The following AUTS2 variants were observed in gnomAD, a reference collection of about 807,000 sequenced individuals.
AUTS2 encodes autism susceptibility gene 2 protein.
A neutral mutation model predicts 112.4 loss-of-function variants in AUTS2; 17 were observed. The ratio of observed to expected loss-of-function variants is 0.15; its 90% confidence interval spans 0.10 to 0.23. The LOEUF (loss-of-function observed/expected upper bound fraction) is 0.23. AUTS2 is among the 10% of genes least tolerant of loss of function. The probability of loss-of-function intolerance (pLI) is 1.00; values close to 1 mark genes in which losing one functional copy is unlikely to be tolerated. For synonymous variants in AUTS2, 751 were observed against 702.7 expected, an observed-to-expected ratio of 1.07 and a Z score of -1.09; for missense variants, 1,510 against 1,701.6, an observed-to-expected ratio of 0.89 and a Z score of 1.98.
At chr7:70,564,730 A>G (rs1801630890) in intron 5 of AUTS2, among the ~76,000 whole-genome samples, 1 of 152,234 alleles carries the variant, frequency 6.6e-6, no homozygotes, top group Non-Finnish European at 1.5e-5. Context: ...ATTGTGATCC[A>G]TCAAAGCCTC....
At chr7:70,166,133 T>C (rs963056657) in intron 4 of AUTS2, among the ~76,000 whole-genome samples, 2 of 152,204 alleles carry the variant, frequency 1.3e-5, no homozygotes, top group African/African-American at 2.4e-5. Flanking sequence ...TGTGGAACCA[T>C]GAGTCGATTA....
chr7:69,727,699 C>T (rs1194998246), intron 1 of AUTS2, among the ~76,000 whole-genome samples: 1 of 152,194 alleles, frequency 6.6e-6, no homozygotes, highest in Non-Finnish European at 1.5e-5. Flanking sequence ...TGTCTGTCAT[C>T]CCAGTATCAC....
At chr7:70,486,464 C>T (rs553152422) in intron 5 of AUTS2, among the ~76,000 whole-genome samples, 4 of 152,192 alleles carry the variant, frequency 2.6e-5, no homozygotes, top group South Asian at 2.1e-4. Context: ...TGGCCAGGCA[C>T]GGTGGCTCAC....
Position 70,549,931 on chromosome 7 carries a change from G to A in AUTS2, c.690+114150G>A, listed in dbSNP as rs569722900. Among the ~76,000 whole-genome samples, 480 of 152,230 alleles carry A rather than the reference G, an allele frequency of 3.2e-3. 2 individuals carry two copies. The highest frequency in any genetic ancestry group is 0.011 in the African/African-American group (468 of 41,538). On this transcript the variant is annotated intron_variant, in intron 5 of 18. Transcript: ENST00000342771. ...TCATGTCTACCTATTGTTTTAAAAAGCATTGGCACTTGGTTTTCTAGCTTG... is the reference window on the plus strand; with the variant it reads ...TCATGTCTACCTATTGTTTTAAAAAACATTGGCACTTGGTTTTCTAGCTTG...
At chr7:70,047,733 G>A (rs545392027) in intron 2 of AUTS2, among the ~76,000 whole-genome samples, 1 of 152,168 alleles carries the variant, frequency 6.6e-6, no homozygotes, top group Non-Finnish European at 1.5e-5. Flanking sequence ...AAGATATGGG[G>A]AGAAACTTAC....
intron 2 of AUTS2, among the ~76,000 whole-genome samples, chr7:70,114,297 T>C (rs1805242177): frequency 6.6e-6 from 1 of 152,252 alleles, no homozygotes; most frequent in South Asian, 2.1e-4. Context: ...AGCTTTCTTG[T>C]AATAGCTGCC....
intron 4 of AUTS2, among the ~76,000 whole-genome samples, chr7:70,417,228 GC>G (rs1562945678): frequency 6.6e-6 from 1 of 152,218 alleles, no homozygotes; most frequent in African/African-American, 2.4e-5. Flanking sequence ...CAGGCAGGCA[GC>G]CGGCTGTGCC....
At chr7:69,794,580 T>C (rs1272602326) in intron 1 of AUTS2, among the ~76,000 whole-genome samples, 2 of 152,216 alleles carry the variant, frequency 1.3e-5, no homozygotes, top group Non-Finnish European at 2.9e-5. Flanking sequence ...CTTCATATAC[T>C]TCATTTATTC....
intron 1 of AUTS2, among the ~76,000 whole-genome samples, chr7:69,641,653 C>T (rs1051001080): frequency 2.0e-5 from 3 of 152,194 alleles, no homozygotes; most frequent in African/African-American, 7.2e-5. Context: ...GTATTATTAG[C>T]ATTTTCTCTC....
Position 70,320,191 on chromosome 7 carries a change from T to C in AUTS2, c.661-115561T>C, listed in dbSNP as rs1790187638. Among the ~76,000 whole-genome samples, 3 of 152,184 alleles carry C rather than the reference T, an allele frequency of 2.0e-5. No homozygotes were observed. The South Asian group carries it at 6.2e-4, about 32-fold the overall frequency. On this transcript the variant is annotated intron_variant, in intron 4 of 18. Coordinates refer to ENST00000342771, the MANE Select transcript of AUTS2 (RefSeq NM_015570.4). ...ACTTTTGTTTCAGTGAACTTGAGTTTAAACTTTAAGGCACAGAGGTTATTA... is the reference window on the plus strand; with the variant it reads ...ACTTTTGTTTCAGTGAACTTGAGTTCAAACTTTAAGGCACAGAGGTTATTA...
At chr7:70,742,293 C>G (rs1788161838) in intron 6 of AUTS2, among the ~76,000 whole-genome samples, 1 of 152,230 alleles carries the variant, frequency 6.6e-6, no homozygotes, top group African/African-American at 2.4e-5. Context: ...AAAGTCTCCC[C>G]CCGCCAGAGG....
At position 70,006,845 on chromosome 7, in the gene AUTS2, G is replaced by A. The variant is rs75897012; in HGVS notation, c.522+107347G>A. Among the ~76,000 whole-genome samples, 285 of 152,206 alleles carry A rather than the reference G, an allele frequency of 1.9e-3. 3 individuals carry two copies. Among genetic ancestry groups the A allele is most frequent in the African/African-American group, 6.6e-3 (274 of 41,532 alleles). ...CAAGCCCCATCTCTGTGGATGCTTCGATTTAGCTTCTGAGGTTATATTTAG... is the reference window on the plus strand; with the variant it reads ...CAAGCCCCATCTCTGTGGATGCTTCAATTTAGCTTCTGAGGTTATATTTAG... On this transcript the variant is annotated intron_variant, in intron 2 of 18. Transcript: ENST00000342771.
chr7:69,687,738 C>T (rs1435411661), intron 1 of AUTS2, among the ~76,000 whole-genome samples: 4 of 152,096 alleles, frequency 2.6e-5, no homozygotes, highest in Non-Finnish European at 4.4e-5. Flanking sequence ...GTATGATAAC[C>T]CAGATACTCT....
At chr7:70,422,903 A>G (rs1795284745) in intron 4 of AUTS2, among the ~76,000 whole-genome samples, 1 of 152,090 alleles carries the variant, frequency 6.6e-6, no homozygotes, top group Non-Finnish European at 1.5e-5. Context: ...GACACTCTCC[A>G]TGCTACCTTC....
chr7:70,551,231 C>A (rs1461141249), intron 5 of AUTS2, among the ~76,000 whole-genome samples: 3 of 151,996 alleles, frequency 2.0e-5, no homozygotes, highest in African/African-American at 7.3e-5. Context: ...TACACAGATA[C>A]CTCACCCTCA....
At chr7:70,259,134 C>A (rs988169763) in intron 4 of AUTS2, among the ~76,000 whole-genome samples, 1 of 152,110 alleles carries the variant, frequency 6.6e-6, no homozygotes, top group African/African-American at 2.4e-5. Context: ...TTTGAGTGGA[C>A]AATGAAGGCA....
intron 2 of AUTS2, among the ~76,000 whole-genome samples, chr7:70,088,527 C>CTTTTTTTTTTTT (rs34484649): frequency 7.2e-6 from 1 of 139,436 alleles, no homozygotes; most frequent in African/African-American, 2.6e-5. Flanking sequence ...CTTTTGCTCT[C>CTTTTTTTTTTTT]TTTTTTTTTT....
At chr7:70,714,292 T>G (rs1312517537) in intron 6 of AUTS2, among the ~76,000 whole-genome samples, 1 of 152,232 alleles carries the variant, frequency 6.6e-6, no homozygotes, top group Non-Finnish European at 1.5e-5. Flanking sequence ...TCCACAATTA[T>G]TTTTAGGTGA....
intron 5 of AUTS2, among the ~76,000 whole-genome samples, chr7:70,675,102 C>T (rs1049704350): frequency 1.3e-5 from 2 of 152,258 alleles, no homozygotes; most frequent in African/African-American, 4.8e-5. Flanking sequence ...ATCCTCCCCC[C>T]CCTCAACTCC....
Sources: gnomAD v4.1 joint callset for allele counts (sites outside exome capture counted in the v4.1 genomes callset) on GRCh38, gnomAD v4.1.1 for gene constraint, MANE v1.5 for transcripts, NCBI Gene and HGNC (gene_info 2026-07-23, HGNC 2026-07-21) for gene names.